Variants in EYS observed in about 807,000 individuals in gnomAD.
The protein encoded by EYS is EGF-like photoreceptor maintenance factor, also known as protein eyes shut homolog.
EYS carries 250 observed loss-of-function variants against 282.1 expected under a neutral mutation model. That is an observed-to-expected ratio of 0.89 (90% confidence interval 0.80 to 0.98). EYS has a LOEUF of 0.98. Among genes scored for constraint, EYS ranks in the 50% least tolerant of loss-of-function variants. The pLI, the probability that EYS is intolerant of heterozygous loss-of-function variation, is 0.00. For synonymous variants in EYS, 1,355 were observed against 1,282.9 expected (o/e 1.06, Z -1.20); for missense variants, 4,016 against 3,709.0 (o/e 1.08, Z -2.15).
At chr6:64,955,679 A>G (rs1357197431) in intron 14 of EYS, among the ~76,000 whole-genome samples, 1 of 152,176 alleles carries the variant, frequency 6.6e-6, no homozygotes, top group Non-Finnish European at 1.5e-5. Flanking sequence ...TTGCTTAGGC[A>G]TTCTTGGGTA....
chr6:64,158,486 A>T (rs924869799), intron 31 of EYS, among the ~76,000 whole-genome samples: 18 of 152,168 alleles, frequency 1.2e-4, no homozygotes, highest in Non-Finnish European at 2.2e-4. Flanking sequence ...GAGTTGGAAG[A>T]CTCTCAGTGA....
intron 31 of EYS, among the ~76,000 whole-genome samples, chr6:64,215,001 G>A (rs1010407133): frequency 6.6e-6 from 1 of 151,888 alleles, no homozygotes; most frequent in Non-Finnish European, 1.5e-5. Flanking sequence ...TTCCACTCTA[G>A]TTAAAATGAT....
intron 22 of EYS, among the ~76,000 whole-genome samples, chr6:64,671,674 C>A (rs1005881614): frequency 3.3e-5 from 5 of 151,912 alleles, no homozygotes; most frequent in African/African-American, 1.2e-4. Context: ...ACACATCTGA[C>A]AGTTCTGTTG....
rs1772324772 is a variant in EYS, at chr6:64,090,649, G to C, written c.6425-8647C>G. On this transcript the variant is annotated intron_variant, in intron 31 of 42. Coordinates refer to ENST00000503581, the MANE Select transcript of EYS (RefSeq NM_001142800.2). The stretch of plus-strand genomic sequence containing the variant: ...TTTGGCAAATACTCAACGTTTGATG[G>C]CTGAAAAAACATGCCTCTAATTTTT... 2.0e-5 allele frequency among the ~76,000 whole-genome samples: 3 copies of C among 151,894 alleles called. No individual in the cohort carries two copies. In the South Asian group the frequency reaches 6.2e-4, roughly 32 times the overall value.
chr6:64,216,809 C>T (rs2150330783), intron 31 of EYS, among the ~76,000 whole-genome samples: 1 of 152,270 alleles, frequency 6.6e-6, no homozygotes, highest in East Asian at 1.9e-4. Flanking sequence ...CAAGAGATTT[C>T]ATGTTAGACC....
intron 31 of EYS, among the ~76,000 whole-genome samples, chr6:64,106,243 G>A (rs1160991679): frequency 2.0e-5 from 3 of 151,376 alleles, no homozygotes; most frequent in Non-Finnish European, 4.4e-5. Context: ...AACTTTTTTA[G>A]TGGTTGCACT....
chr6:65,009,506 C>T (rs925752773), intron 13 of EYS, among the ~76,000 whole-genome samples: 2 of 152,178 alleles, frequency 1.3e-5, no homozygotes, highest in African/African-American at 4.8e-5. Flanking sequence ...CCCTGTACAT[C>T]CTGACTATCA....
chr6:63,881,883 T>C (rs1416574091), intron 35 of EYS, among the ~76,000 whole-genome samples: 2 of 152,220 alleles, frequency 1.3e-5, no homozygotes, highest in African/African-American at 4.8e-5. Flanking sequence ...AGGAATTGTT[T>C]GCTAGTTTAA....
At chr6:64,912,115 AC>A (rs2150076539) in intron 16 of EYS, among the ~76,000 whole-genome samples, 1 of 152,150 alleles carries the variant, frequency 6.6e-6, no homozygotes, top group African/African-American at 2.4e-5. Flanking sequence ...GCATTTCATT[AC>A]CCCCAATTAT....
At chr6:65,591,493 A>G (rs1765232550) in intron 2 of EYS, among the ~76,000 whole-genome samples, 1 of 151,972 alleles carries the variant, frequency 6.6e-6, no homozygotes, top group South Asian at 2.1e-4. Context: ...AACCCATTTC[A>G]TAGTTCTAGA....
chr6:65,445,591 C>A (rs538612173), intron 5 of EYS, among the ~76,000 whole-genome samples: 1 of 151,570 alleles, frequency 6.6e-6, no homozygotes, highest in South Asian at 2.1e-4. Flanking sequence ...AAAAATTTAC[C>A]TGACAGCCAA....
At chr6:64,559,860 T>A (rs1245309458) in intron 26 of EYS, among the ~76,000 whole-genome samples, 2 of 152,114 alleles carry the variant, frequency 1.3e-5, no homozygotes, top group African/African-American at 4.8e-5. Flanking sequence ...ATCACCCAGA[T>A]ATTAAGCCTA....
In EYS at chr6:64,520,674, G is replaced by A. The variant is rs191159852; in HGVS notation, c.5644+69549C>T. Among the ~76,000 whole-genome samples, 5 of 151,876 alleles carry A rather than the reference G, an allele frequency of 3.3e-5. No individual in the cohort carries two copies. In the East Asian group the frequency reaches 9.7e-4, roughly 30 times the overall value. ...GTGAGAGACTGGATATGCACATTGA[G>A]TCAGGAGAAAAGATTTAGTACAACA... On this transcript the variant is annotated intron_variant, in intron 26 of 42. Transcript: ENST00000503581.
At chr6:63,991,248 A>G (rs1767590555) in intron 34 of EYS, among the ~76,000 whole-genome samples, 1 of 151,722 alleles carries the variant, frequency 6.6e-6, no homozygotes, top group South Asian at 2.1e-4. Flanking sequence ...CTTTCCCTGT[A>G]CAAAAAGCCA....
intron 12 of EYS, among the ~76,000 whole-genome samples, chr6:65,190,637 A>G (rs1765620091): frequency 6.6e-6 from 1 of 151,820 alleles, no homozygotes; most frequent in African/African-American, 2.4e-5. Context: ...AAAATTCAAA[A>G]TATGAATAGG....
At chr6:64,121,564 G>C (rs546122251) in intron 31 of EYS, among the ~76,000 whole-genome samples, 7 of 152,252 alleles carry the variant, frequency 4.6e-5, no homozygotes, top group African/African-American at 9.6e-5. Context: ...CCTTAATATA[G>C]TTAATCCACT....
chr6:64,553,837 A>G lies in EYS; in HGVS notation c.5644+36386T>C, dbSNP rs573628212. On this transcript the variant is annotated intron_variant, in intron 26 of 42. Coordinates refer to ENST00000503581, the MANE Select transcript of EYS (RefSeq NM_001142800.2). ...CAACTATGAAGAAATAATTGGCAAAATAGTATCATTTTCATATTCCTAATA... is the reference window on the plus strand; with the variant it reads ...CAACTATGAAGAAATAATTGGCAAAGTAGTATCATTTTCATATTCCTAATA... Among the ~76,000 whole-genome samples the G allele has an allele frequency of 3.3e-5, 5 of 152,176 alleles. No homozygotes were observed. The East Asian group carries it at 9.7e-4, about 29-fold the overall frequency.
Position 65,237,153 on chromosome 6 carries a change from A to C in EYS, c.2023+58710T>G, listed in dbSNP as rs192711701. On this transcript the variant is annotated intron_variant, in intron 12 of 42. Transcript: ENST00000503581. ...ACATCTACATTTTCCAGGAGTAAGC[A>C]TATGCCTTTACGCGAATAAACGAAA... Among the ~76,000 whole-genome samples, 11 of 152,300 alleles carry C rather than the reference A, an allele frequency of 7.2e-5. No homozygotes were observed. The East Asian group carries it at 1.7e-3, about 24-fold the overall frequency.
chr6:65,680,596 T>C (rs1768780215), intron 1 of EYS, among the ~76,000 whole-genome samples: 1 of 152,008 alleles, frequency 6.6e-6, no homozygotes, highest in Admixed American at 6.6e-5. Flanking sequence ...AATTCCTTTA[T>C]TATAGACCTA....
Sources: gnomAD v4.1 joint callset for allele counts (sites outside exome capture counted in the v4.1 genomes callset) on GRCh38, gnomAD v4.1.1 for gene constraint, MANE v1.5 for transcripts, NCBI Gene and HGNC (gene_info 2026-07-23, HGNC 2026-07-21) for gene names.